CEMIP: variants seen among roughly 807,000 people sequenced by gnomAD.
CEMIP encodes the protein cell migration inducing hyaluronidase 1.
Under a neutral mutation model 156.9 loss-of-function variants are expected in CEMIP, and 105 were observed. The ratio of observed to expected loss-of-function variants is 0.67; its 90% CI spans 0.57 to 0.79. The LOEUF is 0.79. Ranked by LOEUF, CEMIP falls within the 30% of genes least tolerant of loss-of-function variation. CEMIP has a pLI of 0.00. For missense variants in CEMIP, 1,457 were observed against 1,769.4 expected (o/e 0.82, Z 3.17); for synonymous variants, 676 against 668.4 (o/e 1.01, Z -0.17).
intron 24 of CEMIP, 46 bp from the exon 25 acceptor site, chr15:80,937,748 G>A (rs1901183057): frequency 6.3e-7 from 1 of 1,591,734 alleles, no homozygotes; most frequent in African/African-American, 1.3e-5. Context: ...AAGGCCCTGT[G>A]GCCTGGACAC....
chr15:80,816,931 C>G lies in CEMIP; in HGVS notation c.-176+37317C>G, dbSNP rs181465685. 5.9e-5 allele frequency among the ~76,000 whole-genome samples: 9 copies of G among 152,178 alleles called. No individual in the cohort carries two copies. The East Asian group carries it at 1.5e-3, about 26-fold the overall frequency. On this transcript the variant is annotated intron_variant, in intron 1 of 29. Coordinates refer to ENST00000394685, the MANE Select transcript of CEMIP (RefSeq NM_001293298.2). ...GGTTCTCGCTCCTCAGGCTTCAGCC[C>G]AGAGATCTTATTTATATGCCTGAAC...
intron 1 of CEMIP, among the ~76,000 whole-genome samples, chr15:80,845,783 T>C (rs1010179789): frequency 6.6e-5 from 10 of 152,136 alleles, no homozygotes; most frequent in African/African-American, 2.4e-4. Flanking sequence ...GTCAGTGAGC[T>C]AGATCGAGTC....
intron 27 of CEMIP, 145 bp downstream of exon 27, chr15:80,942,482 C>T: frequency 2.7e-6 from 2 of 729,568 alleles, no homozygotes; most frequent in Non-Finnish European, 4.9e-6. Context: ...GGCGGGGAAC[C>T]TGTTCCATGC....
At chr15:80,839,289 A>AATGTGTGTGTGT (rs71455356) in intron 1 of CEMIP, among the ~76,000 whole-genome samples, 1 of 131,120 alleles carries the variant, frequency 7.6e-6, no homozygotes, top group East Asian at 2.4e-4. Context: ...CAAGGCCGTG[A>AATGTGTGTGTGT]GTGTGTGTGT....
intron 1 of CEMIP, among the ~76,000 whole-genome samples, chr15:80,823,353 G>A (rs892344177): frequency 6.6e-6 from 1 of 152,330 alleles, no homozygotes; most frequent in African/African-American, 2.4e-5. Context: ...GTGTACCCAC[G>A]TGAGGCCTTT....
At chr15:80,921,493 G>A (rs1366299278) in intron 16 of CEMIP, among the ~76,000 whole-genome samples, 1 of 152,202 alleles carries the variant, frequency 6.6e-6, no homozygotes, top group African/African-American at 2.4e-5. Context: ...CATCTGATGG[G>A]GGAGGAAGCT....
Position 80,829,391 on chromosome 15 carries a change from CT to C in CEMIP, c.-175-44145del, listed in dbSNP as rs886104040. 3.0e-4 allele frequency among the ~76,000 whole-genome samples: 46 copies of C among 152,316 alleles called. 1 individual carries two copies. Among genetic ancestry groups the C allele is most frequent in the Admixed American group, 2.2e-3 (33 of 15,298 alleles). On this transcript the variant is annotated intron_variant, in intron 1 of 29. Coordinates refer to ENST00000394685, the MANE Select transcript of CEMIP (RefSeq NM_001293298.2). ...GAATGAGATGCCTGCCTCTGCCACC[CT>C]TAGCTCCCTGTCACACGGTTCCTCA...
chr15:80,889,804 G>T (rs892548036), intron 10 of CEMIP, among the ~76,000 whole-genome samples: 1 of 152,184 alleles, frequency 6.6e-6, no homozygotes, highest in African/African-American at 2.4e-5. Context: ...CCTGGGTCCA[G>T]CTTCTGAGTT....
chr15:80,948,604 G>A (rs1302545267), intron 29 of CEMIP, 193 bp from the exon 30 acceptor site: 1 of 729,028 alleles, frequency 1.4e-6, no homozygotes, highest in Non-Finnish European at 2.4e-6. Flanking sequence ...GTGAGACCCT[G>A]CCTGCCCCAT....
intron 14 of CEMIP, among the ~76,000 whole-genome samples, chr15:80,914,996 A>C (rs1387220166): frequency 6.6e-6 from 1 of 152,132 alleles, no homozygotes; most frequent in African/African-American, 2.4e-5. Context: ...TCTTGTGCTG[A>C]GTCAGTTCCT....
At chr15:80,856,509 T>C (rs1897855611) in intron 1 of CEMIP, among the ~76,000 whole-genome samples, 1 of 152,184 alleles carries the variant, frequency 6.6e-6, no homozygotes, top group African/African-American at 2.4e-5. Context: ...GGCTGTGTGT[T>C]TGAAAATTTT....
intron 1 of CEMIP, among the ~76,000 whole-genome samples, chr15:80,848,345 A>G (rs558753035): frequency 6.6e-6 from 1 of 152,294 alleles, no homozygotes; most frequent in Admixed American, 6.5e-5. Context: ...AGTTCTGGAC[A>G]GCCGCCCCTC....
At chr15:80,818,946 C>T (rs1896851306) in intron 1 of CEMIP, among the ~76,000 whole-genome samples, 1 of 152,174 alleles carries the variant, frequency 6.6e-6, no homozygotes, top group South Asian at 2.1e-4. Context: ...TTCCAAACTC[C>T]TCTCTTCCCA....
chr15:80,892,915 G>T (rs1157527264), intron 10 of CEMIP, among the ~76,000 whole-genome samples: 1 of 152,218 alleles, frequency 6.6e-6, no homozygotes, highest in African/African-American at 2.4e-5. Context: ...TGGCTGGACT[G>T]GTGGCCCACG....
chr15:80,917,828 T>TA (rs763571830), intron 14 of CEMIP, among the ~76,000 whole-genome samples: 2 of 151,562 alleles, frequency 1.3e-5, no homozygotes, highest in Admixed American at 6.6e-5. Context: ...TCCTCGTCTC[T>TA]AAAAAAAAAT....
intron 1 of CEMIP, among the ~76,000 whole-genome samples, chr15:80,872,503 G>C (rs1305281620): frequency 6.7e-6 from 1 of 150,040 alleles, no homozygotes; most frequent in Non-Finnish European, 1.5e-5. Context: ...CAAAAATAAC[G>C]GTGGCTTAAA....
rs1159452561 is a variant in CEMIP, at chr15:80,895,081, C to T, written c.1178C>T (p.Ala393Val). The T allele has an allele frequency of 1.2e-6, 2 of 1,614,202 alleles. No individual in the cohort carries two copies. Among genetic ancestry groups the T allele is most frequent in the Non-Finnish European group, 1.7e-6 (2 of 1,180,028 alleles). ...YRFACYDRGR[A>V]CRSYRVRFLC... ...TTTGCTTGCTACGACCGGGGCAGAGCCTGCCGGAGCTACCGTGTACGGTTC... is the reference window on the plus strand; with the variant it reads ...TTTGCTTGCTACGACCGGGGCAGAGTCTGCCGGAGCTACCGTGTACGGTTC... Residue 393 changes from alanine (A) to valine (V), a missense_variant, in exon 11 of 30, where the codon GCC becomes GTC. By Grantham distance (64) the Ala-to-Val change is moderately conservative (BLOSUM62 0). Around this residue, in one of 5 missense-constraint regions of CEMIP, gnomAD observed 280 missense variants for 300.3 expected, o/e 0.93. Coordinates refer to ENST00000394685, the MANE Select transcript of CEMIP (RefSeq NM_001293298.2).
At chr15:80,828,540 AG>A (rs938117488) in intron 1 of CEMIP, among the ~76,000 whole-genome samples, 9 of 152,334 alleles carry the variant, frequency 5.9e-5, no homozygotes, top group South Asian at 2.1e-4. Context: ...GAATACTAGA[AG>A]GGTTGTTCAT....
At position 80,780,437 on chromosome 15, in the gene CEMIP, G is replaced by A. The variant is rs552093958; in HGVS notation, c.-176+823G>A. Among the ~76,000 whole-genome samples, 27 of 152,334 alleles carry A rather than the reference G, an allele frequency of 1.8e-4. No individual in the cohort carries two copies. The South Asian group carries it at 5.6e-3, about 32-fold the overall frequency. On this transcript the variant is annotated intron_variant, in intron 1 of 29. Coordinates refer to ENST00000394685, the MANE Select transcript of CEMIP (RefSeq NM_001293298.2). ...CTGGAATGGACCCCAAGGGATGCGTGTGCTCATGAGAGAGGAGCGCTGTGC... is the reference window on the plus strand; with the variant it reads ...CTGGAATGGACCCCAAGGGATGCGTATGCTCATGAGAGAGGAGCGCTGTGC...
Sources: allele counts gnomAD v4.1 joint callset (sites outside exome capture counted in the v4.1 genomes callset), GRCh38; gene constraint gnomAD v4.1.1; regional missense constraint gnomAD v4.1.1; transcripts MANE v1.5; gene names NCBI Gene and HGNC (gene_info 2026-07-23, HGNC 2026-07-21).